Variants in CCND3 observed in about 807,000 individuals in gnomAD.
The protein encoded by CCND3 is G1/S-specific cyclin-D3.
CCND3 carries 9 observed loss-of-function variants against 28.7 expected under a neutral mutation model. The observed-to-expected ratio is 0.31, with a 90% CI of 0.19 to 0.55. The LOEUF (loss-of-function observed/expected upper bound fraction) is 0.55, where lower values mean the gene tolerates loss of function less well. CCND3 is among the 20% of genes least tolerant of loss of function. The probability of loss-of-function intolerance (pLI) is 0.93; values close to 1 mark genes in which losing one functional copy is unlikely to be tolerated. For missense variants in CCND3, 315 were observed against 385.8 expected (o/e 0.82, Z 1.54); for synonymous variants, 164 against 163.9 (o/e 1.00, Z 0.00).
At chr6:42,012,764 C>A (rs986234270) in intron 1 of CCND3, among the ~76,000 whole-genome samples, 1 of 151,946 alleles carries the variant, frequency 6.6e-6, no homozygotes, top group Admixed American at 6.6e-5. Context: ...ATCCTTTTTT[C>A]TTCTCATGCA....
chr6:41,970,603 T>TA (rs1434685389), intron 1 of CCND3, among the ~76,000 whole-genome samples: 3 of 152,072 alleles, frequency 2.0e-5, no homozygotes, highest in Non-Finnish European at 4.4e-5. Flanking sequence ...CAATCTCCCA[T>TA]CCCTTTCAAA....
intron 1 of CCND3, among the ~76,000 whole-genome samples, chr6:41,951,667 C>T (rs924233950): frequency 3.3e-5 from 5 of 151,724 alleles, no homozygotes; most frequent in African/African-American, 9.7e-5. Flanking sequence ...AGTAGTATGT[C>T]CCCAGTGTGG....
chr6:42,006,769 G>A (rs58707300), intron 1 of CCND3, among the ~76,000 whole-genome samples: 15,412 of 151,844 alleles, frequency 0.1, 1,194 homozygotes, highest in African/African-American at 0.22. Flanking sequence ...TTAGCTGGGC[G>A]TGGTGGCGGG....
At chr6:41,965,210 C>T (rs1761855647) in intron 1 of CCND3, among the ~76,000 whole-genome samples, 1 of 151,916 alleles carries the variant, frequency 6.6e-6, no homozygotes, top group Admixed American at 6.6e-5. Flanking sequence ...GCTGGGATTA[C>T]AAACACCCAC....
chr6:42,044,779 T>C (rs1764480472), intron 1 of CCND3, among the ~76,000 whole-genome samples: 1 of 78,906 alleles, frequency 1.3e-5, no homozygotes, highest in African/African-American at 4.6e-5. Context: ...TTTTCTTTCT[T>C]TCCTTTTATT....
At chr6:41,980,757 A>G (rs530422927) in intron 1 of CCND3, among the ~76,000 whole-genome samples, 1 of 152,358 alleles carries the variant, frequency 6.6e-6, no homozygotes, top group East Asian at 1.9e-4. Flanking sequence ...AATCCGCCAC[A>G]TCAATAGGCT....
At chr6:41,979,333 A>G (rs1762269143) in intron 1 of CCND3, among the ~76,000 whole-genome samples, 1 of 151,774 alleles carries the variant, frequency 6.6e-6, no homozygotes, top group Admixed American at 6.6e-5. Context: ...GGAGATCGAG[A>G]CCATCCTGGC....
At chr6:41,937,007 C>A (rs1367493411) in intron 3 of CCND3, 3 of 606,886 alleles carry the variant, frequency 4.9e-6, no homozygotes, top group Non-Finnish European at 8.7e-6. Flanking sequence ...AGACCTTGGG[C>A]AAGTCACTTC....
rs2127389548 is a variant in CCND3, at chr6:41,936,032, A to G, written c.787T>C (p.Ser263Pro). 5 of 1,613,270 alleles carry G rather than the reference A, an allele frequency of 3.1e-6. No homozygotes were observed. Among genetic ancestry groups the G allele is most frequent in the Non-Finnish European group, 4.2e-6 (5 of 1,179,602 alleles). The change falls in exon 5 of 5, where the codon TCC becomes CCC. Residue 263 changes from serine to proline, a missense_variant. Transcript: ENST00000372991. The surrounding 1 kb of genome is among the most constrained non-coding windows in gnomAD (Gnocchi z 4.4). ...CGGGGGGCTTTGGGCGCTGGGCTGGAGCTGGTCTGAGAGGCTTCCCTGAGG... is the reference window on the plus strand; with the variant it reads ...CGGGGGGCTTTGGGCGCTGGGCTGGGGCTGGTCTGAGAGGCTTCCCTGAGG... ...ESLREASQTS[S>P]SPAPKAPRGS...
chr6:41,941,671 G>C lies in CCND3; in HGVS notation c.-22C>G, dbSNP rs765730842. 3.6e-6 allele frequency: 5 copies of C among 1,378,868 alleles called. No individual in the cohort carries two copies. In the South Asian group the frequency reaches 8.0e-5, roughly 22 times the overall value. The allele number at this position is 1,378,868 out of a possible 1,614,324, so 85.4% of individuals were successfully genotyped here. A position where few individuals can be genotyped will look rare whatever the true frequency, so the allele number is the denominator to read the frequency against. On this transcript the variant is annotated 5_prime_UTR_variant, in exon 1 of 5. Coordinates refer to ENST00000372991, the MANE Select transcript of CCND3 (RefSeq NM_001760.5). This position sits in a 1 kb window ranked among gnomAD's most constrained non-coding sequence, Gnocchi z 6.1. The stretch of plus-strand genomic sequence containing the variant: ...CCATACTCGGGCAGCGAACAGGCAG[G>C]GCGGGAGTGCGGGCTCGCGAGTCCC...
intron 1 of CCND3, among the ~76,000 whole-genome samples, chr6:41,972,386 G>A (rs1762058744): frequency 6.6e-6 from 1 of 151,970 alleles, no homozygotes; most frequent in Admixed American, 6.6e-5. Flanking sequence ...GAGCTACAAC[G>A]TCCTCTGCTT....
rs1490802380 is a variant in CCND3 at position 41,935,231 on chromosome 6, G to A, written c.*709C>T. 8.6e-6 allele frequency: 2 copies of A among 233,596 alleles called. No homozygotes were observed. The highest frequency in any genetic ancestry group is 5.6e-5 in the Admixed American group (1 of 17,780). 14.5% of individuals were successfully genotyped at this position (233,596 alleles called of 1,614,324 possible). A position where few individuals can be genotyped will look rare whatever the true frequency, so the allele number is the denominator to read the frequency against. ...GAAGGGAGGAAAACAGCAACCACCA[G>A]GGTTACCACCACTTGTGGGATGGCC... On this transcript the variant is annotated 3_prime_UTR_variant, in exon 5 of 5. Transcript: ENST00000372991.
chr6:41,968,671 G>A (rs1018877290), intron 1 of CCND3, among the ~76,000 whole-genome samples: 4 of 152,126 alleles, frequency 2.6e-5, no homozygotes, highest in African/African-American at 9.7e-5. Context: ...TACCTTTCTG[G>A]ATTTTGAGAT....
At chr6:41,940,640 G>A in intron 1 of CCND3, 55 bp from the exon 2 acceptor site, 1 of 1,220,726 alleles carries the variant, frequency 8.2e-7, no homozygotes, top group Non-Finnish European at 1.2e-6. Flanking sequence ...ACACAGCAGC[G>A]GGGGGGTGGG....
chr6:42,037,246 T>C (rs1163943713), intron 1 of CCND3, among the ~76,000 whole-genome samples: 1 of 116,520 alleles, frequency 8.6e-6, no homozygotes, highest in Non-Finnish European at 1.6e-5. Context: ...GGCCGTTTTG[T>C]TTTTTTTTTT....
chr6:42,034,954 G>T (rs549985010), intron 1 of CCND3, among the ~76,000 whole-genome samples: 5 of 152,018 alleles, frequency 3.3e-5, no homozygotes, highest in Admixed American at 2.6e-4. Flanking sequence ...ATATTTCAAG[G>T]TCCACCCATT....
intron 1 of CCND3, among the ~76,000 whole-genome samples, chr6:42,005,807 G>A (rs539854917): frequency 4.7e-4 from 71 of 151,798 alleles, no homozygotes; most frequent in African/African-American, 1.6e-3. Context: ...CCTCAGCCTC[G>A]CAAGCAGCTG....
chr6:41,963,855 T>G (rs1761783066), intron 1 of CCND3, among the ~76,000 whole-genome samples: 1 of 151,874 alleles, frequency 6.6e-6, no homozygotes, highest in Non-Finnish European at 1.5e-5. Context: ...GACCACTCTT[T>G]CCCTAGATCT....
rs1042943143 is a variant in CCND3 at position 41,936,859 on chromosome 6, C to G, written c.575-164G>C. ...GCAAGATATCAGCAAGGGAGGAAGACAGGAAAGAGTATCTTTCCTAGAGAT... is the reference window on the plus strand; with the variant it reads ...GCAAGATATCAGCAAGGGAGGAAGAGAGGAAAGAGTATCTTTCCTAGAGAT... On this transcript the variant is annotated intron_variant, in intron 3 of 4. Transcript: ENST00000372991. This position sits in a 1 kb window ranked among gnomAD's most constrained non-coding sequence, Gnocchi z 4.4. The G allele has an allele frequency of 3.0e-6, 2 of 673,508 alleles. No homozygotes were observed. Among genetic ancestry groups the G allele is most frequent in the African/African-American group, 3.6e-5 (2 of 55,056 alleles). 41.7% of individuals were successfully genotyped at this position (673,508 alleles called of 1,614,324 possible). A position where few individuals can be genotyped will look rare whatever the true frequency, so the allele number is the denominator to read the frequency against.
Sources: allele counts gnomAD v4.1 joint callset (sites outside exome capture counted in the v4.1 genomes callset), GRCh38; gene constraint gnomAD v4.1.1; non-coding constraint Gnocchi (gnomAD v3.1); transcripts MANE v1.5; gene names NCBI Gene and HGNC (gene_info 2026-07-23, HGNC 2026-07-21).